Variants in DNER observed in about 807,000 individuals in gnomAD.
The protein encoded by DNER is delta/notch like EGF repeat containing, also known as delta and Notch-like epidermal growth factor-related receptor.
In DNER, 33 loss-of-function variants were observed where a neutral mutation model predicts 78.2. That is an observed-to-expected ratio of 0.42 (90% confidence interval 0.32 to 0.56). DNER has a LOEUF of 0.56. DNER is among the 20% of genes least tolerant of loss of function. The pLI, the probability that DNER is intolerant of heterozygous loss-of-function variation, is 0.11. For synonymous variants in DNER, 417 were observed against 384.8 expected (o/e 1.08, Z -0.98); for missense variants, 918 against 975.3 (o/e 0.94, Z 0.78).
At position 229,635,361 on chromosome 2, in the gene DNER, G is replaced by GAAAAAAAAAAA. The variant is rs58220819; in HGVS notation, c.277-43484_277-43474dup. Among the ~76,000 whole-genome samples the GAAAAAAAAAAA allele has an allele frequency of 2.4e-3, 208 of 85,862 alleles. 5 individuals carry two copies. The highest frequency in any genetic ancestry group is 0.01 in the African/African-American group (198 of 19,740). 56.3% of individuals were successfully genotyped at this position (85,862 alleles called of 152,430 possible). On this transcript the variant is annotated intron_variant, in intron 1 of 12. Coordinates refer to ENST00000341772, the MANE Select transcript of DNER (RefSeq NM_139072.4). ...CTATGGATGCACTAAGGTCCCACAGGAAAAAAAAAAAAAAAAAAAAAAAAC... is the reference window on the plus strand; with the variant it reads ...CTATGGATGCACTAAGGTCCCACAGGAAAAAAAAAAAAAAAAAAAAAAAAAAAAAAAAAAAC...
intron 6 of DNER, among the ~76,000 whole-genome samples, chr2:229,485,590 C>T (rs1695252404): frequency 6.6e-6 from 1 of 152,150 alleles, no homozygotes; most frequent in Non-Finnish European, 1.5e-5. Context: ...AAAATCCCCC[C>T]ACCAACCCAT....
At chr2:229,593,041 A>G (rs1212355418) in intron 1 of DNER, among the ~76,000 whole-genome samples, 1 of 152,250 alleles carries the variant, frequency 6.6e-6, no homozygotes, top group Non-Finnish European at 1.5e-5. Context: ...AATCAAATGA[A>G]GCTTCAAAAA....
At chr2:229,684,194 G>GTC (rs1399515208) in intron 1 of DNER, among the ~76,000 whole-genome samples, 2 of 150,950 alleles carry the variant, frequency 1.3e-5, no homozygotes, top group Non-Finnish European at 3.0e-5. Flanking sequence ...GTGTGTGTGT[G>GTC]TGTGTGTGTG....
At chr2:229,390,344 C>T (rs376228403) in intron 10 of DNER, among the ~76,000 whole-genome samples, 30 of 152,366 alleles carry the variant, frequency 2.0e-4, no homozygotes, top group African/African-American at 6.3e-4. Flanking sequence ...ATATGCTTTT[C>T]ATTTCCTAAA....
At chr2:229,515,984 C>A (rs996787991) in intron 5 of DNER, among the ~76,000 whole-genome samples, 66 of 152,156 alleles carry the variant, frequency 4.3e-4, no homozygotes, top group African/African-American at 1.5e-3. Flanking sequence ...AAAACAGAAG[C>A]CATCCATTTT....
intron 1 of DNER, among the ~76,000 whole-genome samples, chr2:229,628,372 A>C (rs1248871708): frequency 6.6e-6 from 1 of 152,172 alleles, no homozygotes; most frequent in East Asian, 1.9e-4. Flanking sequence ...CCAACCCATA[A>C]AATTGTGAGC....
chr2:229,426,161 G>A (rs1693871890), intron 8 of DNER, among the ~76,000 whole-genome samples: 1 of 152,236 alleles, frequency 6.6e-6, no homozygotes, highest in African/African-American at 2.4e-5. Flanking sequence ...AGATATGGGG[G>A]CCGGGCGCGG....
At position 229,650,072 on chromosome 2, in the gene DNER, C is replaced by CAA. The variant is rs34030074; in HGVS notation, c.277-58186_277-58185dup. On this transcript the variant is annotated intron_variant, in intron 1 of 12. Coordinates refer to ENST00000341772, the MANE Select transcript of DNER (RefSeq NM_139072.4). ...CCTGGGTGACAGAGCAAGACTCCGT[C>CAA]AAAAAAAAAAAAAAAAAAAAGAAAT... Among the ~76,000 whole-genome samples the CAA allele has an allele frequency of 1.8e-3, 169 of 93,080 alleles. 1 individual carries two copies. The highest frequency in any genetic ancestry group is 5.7e-3 in the Middle Eastern group (1 of 174). 61.1% of individuals were successfully genotyped at this position (93,080 alleles called of 152,430 possible).
chr2:229,586,657 A>G (rs997680606), intron 3 of DNER: 21 of 984,520 alleles, frequency 2.1e-5, no homozygotes, highest in Non-Finnish European at 2.5e-5. Context: ...CCAATGCTTC[A>G]GCTACTACGA....
intron 11 of DNER, among the ~76,000 whole-genome samples, chr2:229,372,124 T>A (rs1487842841): frequency 6.6e-6 from 1 of 152,222 alleles, no homozygotes; most frequent in Non-Finnish European, 1.5e-5. Context: ...ATTAAGGACC[T>A]ACTATGTGCC....
intron 6 of DNER, among the ~76,000 whole-genome samples, chr2:229,506,197 C>T (rs529659268): frequency 7.0e-6 from 1 of 143,400 alleles, no homozygotes; most frequent in East Asian, 2.0e-4. Context: ...GGCTGGGGGG[C>T]CTCAAGAAAC....
chr2:229,697,203 G>A (rs1311541455), intron 1 of DNER, among the ~76,000 whole-genome samples: 1 of 152,168 alleles, frequency 6.6e-6, no homozygotes, highest in Non-Finnish European at 1.5e-5. Flanking sequence ...CTGCAACGTG[G>A]ATGAATCTCA....
intron 8 of DNER, among the ~76,000 whole-genome samples, chr2:229,424,307 G>T (rs1235759168): frequency 1.3e-5 from 2 of 152,158 alleles, no homozygotes; most frequent in South Asian, 4.1e-4. Context: ...TATAGATGAG[G>T]AATTAAGAGT....
chr2:229,421,898 T>C (rs1175029645), intron 8 of DNER, among the ~76,000 whole-genome samples: 5 of 152,110 alleles, frequency 3.3e-5, no homozygotes, highest in Non-Finnish European at 5.9e-5. Context: ...TGAGGTGGCA[T>C]TTAAATAGAC....
intron 6 of DNER, among the ~76,000 whole-genome samples, chr2:229,498,772 A>G (rs1356388649): frequency 6.6e-6 from 1 of 152,252 alleles, no homozygotes; most frequent in Non-Finnish European, 1.5e-5. Context: ...AGACAAAAAT[A>G]AATGGAAAGA....
chr2:229,714,328 G>A lies in DNER; in HGVS notation c.96C>T (p.Ser32=). 3.9e-6 allele frequency: 5 copies of A among 1,272,348 alleles called. No individual in the cohort carries two copies. Among genetic ancestry groups the A allele is most frequent in the Non-Finnish European group, 4.9e-6 (5 of 1,015,452 alleles). 78.8% of individuals were successfully genotyped at this position (1,272,348 alleles called of 1,614,324 possible). Residue 32 remains serine, a synonymous_variant, in exon 1 of 13, where the codon TCC becomes TCT. Coordinates refer to ENST00000341772, the MANE Select transcript of DNER (RefSeq NM_139072.4). ...GCGCGGCGGGCACCGGGTTGGCCAGGGAGCTGCCTCGGGGCCCCGCTCCGA... is the reference window on the plus strand; with the variant it reads ...GCGCGGCGGGCACCGGGTTGGCCAGAGAGCTGCCTCGGGGCCCCGCTCCGA... ...LLLGAGPRGS[S]LANPVPAAPL...
intron 1 of DNER, among the ~76,000 whole-genome samples, chr2:229,625,213 T>G (rs914185634): frequency 1.3e-5 from 2 of 152,164 alleles, no homozygotes; most frequent in Non-Finnish European, 2.9e-5. Flanking sequence ...CTCTCTTGTA[T>G]TTTACAATGT....
chr2:229,495,567 G>C (rs1695483913), intron 6 of DNER, among the ~76,000 whole-genome samples: 1 of 152,170 alleles, frequency 6.6e-6, no homozygotes. Flanking sequence ...CAGGCAGGAG[G>C]AATTCCCTCT....
chr2:229,521,036 C>T (rs1696085333), intron 5 of DNER, among the ~76,000 whole-genome samples: 1 of 152,242 alleles, frequency 6.6e-6, no homozygotes, highest in Non-Finnish European at 1.5e-5. Flanking sequence ...CCAGCCCCAG[C>T]CTTGGCGGAA....
Sources: gnomAD v4.1 joint callset for allele counts (sites outside exome capture counted in the v4.1 genomes callset) on GRCh38, gnomAD v4.1.1 for gene constraint, MANE v1.5 for transcripts, NCBI Gene and HGNC (gene_info 2026-07-23, HGNC 2026-07-21) for gene names.